GPATCH8: variants seen among roughly 807,000 people sequenced by gnomAD.
GPATCH8 encodes the protein G patch domain-containing protein 8.
In GPATCH8, 18 loss-of-function variants were observed where a neutral mutation model predicts 118.3. The ratio of observed to expected loss-of-function variants is 0.15; its 90% CI spans 0.11 to 0.23. GPATCH8 has a LOEUF of 0.23. GPATCH8 is among the 10% of genes least tolerant of loss of function. The pLI, the probability that GPATCH8 is intolerant of heterozygous loss-of-function variation, is 1.00. For missense variants in GPATCH8, 1,631 were observed against 1,873.8 expected (o/e 0.87, Z 2.39); for synonymous variants, 659 against 684.7 (o/e 0.96, Z 0.59).
At chr17:44,496,015 G>A (rs1160202491) in intron 1 of GPATCH8, among the ~76,000 whole-genome samples, 2 of 152,008 alleles carry the variant, frequency 1.3e-5, no homozygotes, top group East Asian at 1.9e-4. Flanking sequence ...CTACAGGAGC[G>A]CACCACCACA....
At position 44,397,273 on chromosome 17, in the gene GPATCH8, G is replaced by C. The variant is rs770507690; in HGVS notation, c.*295C>G. On this transcript the variant is annotated 3_prime_UTR_variant, in exon 8 of 8. Coordinates refer to ENST00000591680, the MANE Select transcript of GPATCH8 (RefSeq NM_001002909.4). ...AGGGAGGAGGGGATTATCTAAACTT[G>C]ACAGTTTGGAGATGTTGCTGCAGAG... 1.5e-5 allele frequency: 9 copies of C among 580,698 alleles called. No homozygotes were observed. The highest frequency in any genetic ancestry group is 2.3e-5 in the Non-Finnish European group (7 of 308,560). 36.0% of individuals were successfully genotyped at this position (580,698 alleles called of 1,614,324 possible). A position where few individuals can be genotyped will look rare whatever the true frequency, so the allele number is the denominator to read the frequency against.
chr17:44,427,998 T>A (rs544421705), intron 5 of GPATCH8, among the ~76,000 whole-genome samples: 27 of 152,242 alleles, frequency 1.8e-4, no homozygotes, highest in African/African-American at 6.5e-4. Flanking sequence ...AAAAATAAAA[T>A]AGGCCAGGCG....
At chr17:44,436,746 A>AG in intron 3 of GPATCH8, 1 of 611,584 alleles carries the variant, frequency 1.6e-6, no homozygotes, top group Non-Finnish European at 2.9e-6. Flanking sequence ...ACCTTGGCTG[A>AG]CGTCCAGTTG....
At chr17:44,421,871 C>G (rs747935200) in intron 6 of GPATCH8, among the ~76,000 whole-genome samples, 1 of 151,452 alleles carries the variant, frequency 6.6e-6, no homozygotes, top group South Asian at 2.1e-4. Flanking sequence ...GGATTACAGG[C>G]GTGCACCACC....
At position 44,400,389 on chromosome 17, in the gene GPATCH8, G is replaced by A. The variant is rs970441096; in HGVS notation, c.1688C>T (p.Pro563Leu). The change falls in exon 8 of 8, where the codon CCC becomes CTC. Residue 563 changes from proline (P) to leucine (L), a missense_variant. Pro to Leu is a moderately conservative substitution (Grantham distance 98). Coordinates refer to ENST00000591680, the MANE Select transcript of GPATCH8 (RefSeq NM_001002909.4). Reference protein sequence around the residue: ...SELLIFTKAEPSISYSCNPLY... With the variant: ...SELLIFTKAELSISYSCNPLY... The stretch of plus-strand genomic sequence containing the variant: ...AGGGTTACAACTGTATGAAATGGAG[G>A]GTTCTGCCTTGGTGAAAATTAATAG... The A allele has an allele frequency of 6.2e-6, 10 of 1,613,464 alleles. No individual in the cohort carries two copies. Among genetic ancestry groups the A allele is most frequent in the Admixed American group, 5.0e-5 (3 of 59,988 alleles).
At chr17:44,429,649 AAC>A (rs144232073) in intron 5 of GPATCH8, among the ~76,000 whole-genome samples, 32,653 of 125,480 alleles carry the variant, frequency 0.26, 3,900 homozygotes, top group South Asian at 0.33. Context: ...GTCTCTACTA[AAC>A]ACACACACAC....
At chr17:44,455,711 G>A (rs1266814177) in intron 3 of GPATCH8, among the ~76,000 whole-genome samples, 5 of 152,092 alleles carry the variant, frequency 3.3e-5, no homozygotes, top group Admixed American at 3.3e-4. Flanking sequence ...TCAGAAAAAT[G>A]TATCTATGTC....
intron 6 of GPATCH8, 35 bp downstream of exon 6, chr17:44,424,314 G>T: frequency 7.0e-7 from 1 of 1,428,576 alleles, no homozygotes; most frequent in Non-Finnish European, 9.9e-7. Context: ...CAATAGATAG[G>T]TACCTTCTTC....
At position 44,399,758 on chromosome 17, in the gene GPATCH8, C is replaced by A; in HGVS notation, c.2319G>T (p.Gly773=). 1 of 1,613,926 alleles carries A rather than the reference C, an allele frequency of 6.2e-7. No individual in the cohort carries two copies. The highest frequency in any genetic ancestry group is 1.1e-5 in the South Asian group (1 of 91,058). The change falls in exon 8 of 8, where the codon GGG becomes GGT. Residue 773 remains glycine (G), a synonymous_variant. Transcript: ENST00000591680. ...CATGGTCTTGGGAGCTGCTACCACC[C>A]CCACCTTCATCCTTTTTGCCACTGC... ...EGSSGKKDEG[G]GGSSSQDHGG... is the part of the protein sequence containing the mutation.
intron 6 of GPATCH8, among the ~76,000 whole-genome samples, chr17:44,423,831 A>G (rs2049998339): frequency 6.6e-6 from 1 of 152,196 alleles, no homozygotes. Context: ...GCAGCAACAG[A>G]GTTTTTTGTT....
chr17:44,425,682 G>A (rs1203631344), intron 5 of GPATCH8, among the ~76,000 whole-genome samples: 2 of 151,928 alleles, frequency 1.3e-5, no homozygotes, highest in Non-Finnish European at 2.9e-5. Flanking sequence ...GCGTGTACCA[G>A]CAAACCTAGC....
chr17:44,424,947 CA>C (rs1239523344), intron 5 of GPATCH8, among the ~76,000 whole-genome samples: 1 of 152,174 alleles, frequency 6.6e-6, no homozygotes, highest in African/African-American at 2.4e-5. Context: ...AGCCAACCCA[CA>C]GATATGTGTT....
chr17:44,500,403 T>C (rs933747966), intron 1 of GPATCH8, among the ~76,000 whole-genome samples: 9 of 152,154 alleles, frequency 5.9e-5, no homozygotes, highest in Non-Finnish European at 1.0e-4. Flanking sequence ...ATAATAAAGT[T>C]ACCAATTAAA....
intron 3 of GPATCH8, among the ~76,000 whole-genome samples, chr17:44,440,154 A>G (rs559823760): frequency 1.8e-4 from 28 of 152,308 alleles, no homozygotes; most frequent in African/African-American, 6.3e-4. Flanking sequence ...AATATTATTT[A>G]AAATATATTA....
At chr17:44,418,211 T>C (rs1482792018) in intron 6 of GPATCH8, among the ~76,000 whole-genome samples, 1 of 151,940 alleles carries the variant, frequency 6.6e-6, no homozygotes, top group East Asian at 1.9e-4. Flanking sequence ...GGATTGACTA[T>C]AAAGGTGGTG....
intron 3 of GPATCH8, among the ~76,000 whole-genome samples, chr17:44,446,427 G>A (rs1015950741): frequency 1.2e-4 from 19 of 152,104 alleles, no homozygotes; most frequent in Non-Finnish European, 2.5e-4. Flanking sequence ...TTAGCCAGGC[G>A]TGTGGCAGGC....
intron 5 of GPATCH8, among the ~76,000 whole-genome samples, chr17:44,425,699 T>C (rs1176486844): frequency 6.6e-6 from 1 of 152,238 alleles, no homozygotes; most frequent in Admixed American, 6.5e-5. Flanking sequence ...TAGCTAACTT[T>C]TGTATTTTTT....
At chr17:44,497,573 G>A (rs901475514) in intron 1 of GPATCH8, among the ~76,000 whole-genome samples, 1 of 152,046 alleles carries the variant, frequency 6.6e-6, no homozygotes, top group African/African-American at 2.4e-5. Flanking sequence ...GAGTGACAGA[G>A]TGAGACCTTG....
intron 5 of GPATCH8, among the ~76,000 whole-genome samples, chr17:44,428,402 A>C (rs2050166669): frequency 6.6e-6 from 1 of 151,960 alleles, no homozygotes; most frequent in Admixed American, 6.6e-5. Context: ...CTGAGGCACG[A>C]GAATCACTTG....
Sources: gnomAD v4.1 joint callset for allele counts (sites outside exome capture counted in the v4.1 genomes callset) on GRCh38, gnomAD v4.1.1 for gene constraint, MANE v1.5 for transcripts, NCBI Gene and HGNC (gene_info 2026-07-23, HGNC 2026-07-21) for gene names.